BMERB1: variants seen among roughly 807,000 people sequenced by gnomAD.
BMERB1 encodes the protein bMERB domain-containing protein 1.
In BMERB1, 12 loss-of-function variants were observed where a neutral mutation model predicts 23.6. The ratio of observed to expected loss-of-function variants is 0.51; its 90% CI spans 0.33 to 0.82. The LOEUF (loss-of-function observed/expected upper bound fraction) is 0.82, where lower values mean the gene tolerates loss of function less well. Among genes scored for constraint, BMERB1 ranks in the 40% least tolerant of loss-of-function variants. The pLI is 0.03. For synonymous variants in BMERB1, 122 were observed against 96.6 expected (o/e 1.26, Z -1.54); for missense variants, 247 against 255.4 (o/e 0.97, Z 0.22).
chr16:15,457,848 G>A (rs373149620), intron 1 of BMERB1, among the ~76,000 whole-genome samples: 5 of 152,176 alleles, frequency 3.3e-5, no homozygotes, highest in African/African-American at 4.8e-5. Flanking sequence ...TCACAGTTCC[G>A]CATGGCTGGG....
At chr16:15,549,288 C>A (rs8052639) in intron 2 of BMERB1, among the ~76,000 whole-genome samples, 53,883 of 144,768 alleles carry the variant, frequency 0.37, 12,780 homozygotes, top group African/African-American at 0.67. Flanking sequence ...GCAGTAAGCC[C>A]AGATCAAGAT....
Position 15,494,866 on chromosome 16 carries a change from C to CT in BMERB1, c.107-20431dup, listed in dbSNP as rs1202112728. The stretch of plus-strand genomic sequence containing the variant: ...GGCTCAAGAAATGTTGGTAAATTTC[C>CT]TTTTTTTTATCTTTTTTTTTTTTTT... On this transcript the variant is annotated intron_variant, in intron 1 of 5. Transcript: ENST00000300006. Among the ~76,000 whole-genome samples, 12 of 143,208 alleles carry CT rather than the reference C, an allele frequency of 8.4e-5. No homozygotes were observed. In the East Asian group the frequency reaches 1.2e-3, roughly 15 times the overall value. The allele number at this position is 143,208 out of a possible 152,430, so 94.0% of individuals were successfully genotyped here.
At chr16:15,551,647 A>G (rs1173819154) in intron 2 of BMERB1, among the ~76,000 whole-genome samples, 1 of 152,146 alleles carries the variant, frequency 6.6e-6, no homozygotes, top group African/African-American at 2.4e-5. Flanking sequence ...AGGGATGCAC[A>G]TGGGCTGTGT....
chr16:15,531,474 T>C (rs940708765), intron 2 of BMERB1, among the ~76,000 whole-genome samples: 8 of 152,162 alleles, frequency 5.3e-5, no homozygotes, highest in Admixed American at 5.2e-4. Flanking sequence ...TTCTTCAGTC[T>C]ACCATATTGA....
At position 15,586,822 on chromosome 16, in the gene BMERB1, T is replaced by A; in HGVS notation, c.608T>A (p.Ile203Asn). Residue 203 changes from isoleucine to asparagine, a missense_variant, in exon 6 of 6, where the codon ATC becomes AAC. Coordinates refer to ENST00000300006, the MANE Select transcript of BMERB1 (RefSeq NM_033201.3). ...KDCCGATQCN[I>N]M Reference sequence around the variant, plus strand: ...TGTTGCGGGGCCACCCAGTGCAACATCATGTAGCCCCCACGTGGGGTGCCC... The same window carrying A: ...TGTTGCGGGGCCACCCAGTGCAACAACATGTAGCCCCCACGTGGGGTGCCC... 1 of 1,603,408 alleles carries A rather than the reference T, an allele frequency of 6.2e-7. No individual in the cohort carries two copies. The highest frequency in any genetic ancestry group is 8.5e-7 in the Non-Finnish European group (1 of 1,175,206).
chr16:15,437,802 C>CA (rs1209848804), intron 1 of BMERB1, among the ~76,000 whole-genome samples: 1 of 151,978 alleles, frequency 6.6e-6, no homozygotes, highest in East Asian at 2.0e-4. Flanking sequence ...ACTAGAAATA[C>CA]AAAAAATTAG....
chr16:15,547,509 A>T (rs1020265396), intron 2 of BMERB1, among the ~76,000 whole-genome samples: 6 of 148,880 alleles, frequency 4.0e-5, no homozygotes, highest in Non-Finnish European at 5.9e-5. Flanking sequence ...CGCCCAGCTA[A>T]TTTTTTTTGT....
chr16:15,472,234 T>A (rs2051234809), intron 1 of BMERB1, among the ~76,000 whole-genome samples: 1 of 152,256 alleles, frequency 6.6e-6, no homozygotes, highest in Admixed American at 6.5e-5. Flanking sequence ...TATTCCACTG[T>A]TGTTGGGTGA....
chr16:15,488,177 G>A lies in BMERB1; in HGVS notation c.107-27128G>A, dbSNP rs578245912. Reference sequence around the variant, plus strand: ...TCAGCCCTGCTGTAACACAAAAGCAGTCATCAACAGTACCTAAACAAATGG... The same window carrying A: ...TCAGCCCTGCTGTAACACAAAAGCAATCATCAACAGTACCTAAACAAATGG... On this transcript the variant is annotated intron_variant, in intron 1 of 5. Coordinates refer to ENST00000300006, the MANE Select transcript of BMERB1 (RefSeq NM_033201.3). 4.6e-5 allele frequency among the ~76,000 whole-genome samples: 7 copies of A among 152,066 alleles called. 1 individual carries two copies. The South Asian group carries it at 1.5e-3, about 32-fold the overall frequency.
chr16:15,539,976 C>T (rs2052062803), intron 2 of BMERB1, among the ~76,000 whole-genome samples: 1 of 152,054 alleles, frequency 6.6e-6, no homozygotes, highest in African/African-American at 2.4e-5. Context: ...GCCTGGGCAA[C>T]ATGACGAAAC....
chr16:15,490,720 C>T (rs774867479), intron 1 of BMERB1, among the ~76,000 whole-genome samples: 9 of 152,240 alleles, frequency 5.9e-5, no homozygotes, highest in Non-Finnish European at 1.3e-4. Context: ...AGCACCTTCC[C>T]GGCTGTCCCA....
chr16:15,544,976 T>C (rs966717555), intron 2 of BMERB1, among the ~76,000 whole-genome samples: 6 of 142,934 alleles, frequency 4.2e-5, no homozygotes, highest in African/African-American at 1.5e-4. Flanking sequence ...TTTTCTTTTC[T>C]TTTTCTTTTT....
chr16:15,579,895 C>T (rs2030964652), intron 3 of BMERB1, among the ~76,000 whole-genome samples: 1 of 152,176 alleles, frequency 6.6e-6, no homozygotes, highest in Non-Finnish European at 1.5e-5. Context: ...GCCAAGCACT[C>T]CACTAAGCCA....
rs200680417 is a variant in BMERB1 at position 15,471,137 on chromosome 16, A to G, written c.106+36378A>G. On this transcript the variant is annotated intron_variant, in intron 1 of 5. Transcript: ENST00000300006. ...CAGGCGTCAGCCACTGTGCCTGGCC[A>G]AGTGTTACCTTTTCTATTTTCCACA... 3.9e-5 allele frequency among the ~76,000 whole-genome samples: 6 copies of G among 151,982 alleles called. No homozygotes were observed. The East Asian group carries it at 1.2e-3, about 29-fold the overall frequency.
At chr16:15,452,035 C>G (rs944262505) in intron 1 of BMERB1, among the ~76,000 whole-genome samples, 1 of 151,834 alleles carries the variant, frequency 6.6e-6, no homozygotes, top group African/African-American at 2.4e-5. Context: ...AATCCTAGCA[C>G]TTTGGGAGGC....
chr16:15,562,378 T>A (rs1424134163), intron 2 of BMERB1, among the ~76,000 whole-genome samples: 1 of 151,962 alleles, frequency 6.6e-6, no homozygotes, highest in African/African-American at 2.4e-5. Context: ...CACTGTACCA[T>A]GGCCCTTTGA....
chr16:15,582,236 T>TAA (rs2031033162), intron 4 of BMERB1, among the ~76,000 whole-genome samples: 1 of 152,086 alleles, frequency 6.6e-6, no homozygotes, highest in Non-Finnish European at 1.5e-5. Context: ...CCGTCTCTAC[T>TAA]AAAACTACAG....
intron 1 of BMERB1, among the ~76,000 whole-genome samples, chr16:15,463,004 G>A (rs907898235): frequency 3.3e-5 from 5 of 152,130 alleles, no homozygotes; most frequent in African/African-American, 1.2e-4. Context: ...AGCATTACAG[G>A]TGGCCAGTTT....
intron 1 of BMERB1, among the ~76,000 whole-genome samples, chr16:15,463,887 A>AC (rs776620805): frequency 1.3e-5 from 2 of 151,952 alleles, no homozygotes; most frequent in South Asian, 2.1e-4. Context: ...AAAAAAAAAA[A>AC]AAAACTTGAA....
Sources: allele counts gnomAD v4.1 joint callset (sites outside exome capture counted in the v4.1 genomes callset), GRCh38; gene constraint gnomAD v4.1.1; transcripts MANE v1.5; gene names NCBI Gene and HGNC (gene_info 2026-07-23, HGNC 2026-07-21).